The following GPATCH2 variants were observed in gnomAD, a reference collection of about 807,000 sequenced individuals.
GPATCH2 encodes G patch domain-containing protein 2.
A neutral mutation model predicts 58.0 loss-of-function variants in GPATCH2; 51 were observed. The observed-to-expected ratio is 0.88, with a 90% CI of 0.70 to 1.11. GPATCH2 has a LOEUF of 1.11. GPATCH2 is among the 50% of genes most tolerant of loss of function. The pLI is 0.00. For missense variants in GPATCH2, 625 were observed against 652.2 expected, an observed-to-expected ratio of 0.96 and a Z score of 0.45; for synonymous variants, 222 against 218.5, an observed-to-expected ratio of 1.02 and a Z score of -0.14.
At chr1:217,554,205 T>C (rs1328591746) in intron 5 of GPATCH2, among the ~76,000 whole-genome samples, 1 of 152,202 alleles carries the variant, frequency 6.6e-6, no homozygotes, top group East Asian at 1.9e-4. Flanking sequence ...TTGAGTTTAT[T>C]GTTGTGCACA....
chr1:217,603,735 G>C lies in GPATCH2; in HGVS notation c.1098+6586C>G, dbSNP rs142468069. On this transcript the variant is annotated intron_variant, in intron 5 of 9. Transcript: ENST00000366935. ...CTTCCTGAGTTTAAGTGATTCTCCT[G>C]CTTCTGCCTCCCTAGTAGCTGGGAT... Among the ~76,000 whole-genome samples, 15 of 152,126 alleles carry C rather than the reference G, an allele frequency of 9.9e-5. No individual in the cohort carries two copies. The East Asian group carries it at 2.9e-3, about 29-fold the overall frequency.
intron 7 of GPATCH2, among the ~76,000 whole-genome samples, chr1:217,491,978 G>A (rs1052951602): frequency 6.8e-6 from 1 of 147,402 alleles, no homozygotes; most frequent in African/African-American, 2.5e-5. Context: ...ATTCTTTATT[G>A]TCACTGTTGC....
chr1:217,607,084 C>A (rs1298939879), intron 5 of GPATCH2, among the ~76,000 whole-genome samples: 1 of 152,194 alleles, frequency 6.6e-6, no homozygotes, highest in Non-Finnish European at 1.5e-5. Context: ...TCACTTTGCT[C>A]TCTATAAAAC....
Position 217,611,054 on chromosome 1 carries a change from C to A in GPATCH2, c.853G>T (p.Asp285Tyr). ...CCTGATTCCTTTTCGTAGAACCAGT[C>A]ACTCTGTTCATCATCACCTGTGCAA... ...EGRQGDDEQS[D>Y]WFYEKESGGA... The change falls in exon 4 of 10, where the codon GAC becomes TAC. Residue 285 changes from aspartate (D) to tyrosine (Y), a missense_variant. Coordinates refer to ENST00000366935, the MANE Select transcript of GPATCH2 (RefSeq NM_018040.5). 6.2e-7 allele frequency: 1 copy of A among 1,613,042 alleles called. No individual in the cohort carries two copies. Among genetic ancestry groups the A allele is most frequent in the South Asian group, 1.1e-5 (1 of 90,962 alleles).
intron 6 of GPATCH2, among the ~76,000 whole-genome samples, chr1:217,505,890 T>G (rs540732110): frequency 1.3e-5 from 2 of 152,188 alleles, no homozygotes; most frequent in Admixed American, 6.5e-5. Flanking sequence ...TGGCACAATC[T>G]TGGCTCACTG....
chr1:217,532,372 G>C (rs1226359413), intron 5 of GPATCH2, among the ~76,000 whole-genome samples: 2 of 152,068 alleles, frequency 1.3e-5, no homozygotes, highest in Non-Finnish European at 2.9e-5. Flanking sequence ...CTTACCTAAG[G>C]CCACCTACCT....
chr1:217,590,219 A>G (rs143289186), intron 5 of GPATCH2, among the ~76,000 whole-genome samples: 2,419 of 152,018 alleles, frequency 0.016, 30 homozygotes, highest in South Asian at 0.055. Flanking sequence ...CAGGGGTTTC[A>G]CTATGTTGGC....
chr1:217,482,494 A>T (rs1316086333), intron 8 of GPATCH2, among the ~76,000 whole-genome samples: 2 of 152,082 alleles, frequency 1.3e-5, no homozygotes, highest in Admixed American at 6.5e-5. Flanking sequence ...AAAGGCCCTG[A>T]GATGTGAGTG....
chr1:217,627,819 A>G (rs1331053129), intron 1 of GPATCH2, among the ~76,000 whole-genome samples: 1 of 152,072 alleles, frequency 6.6e-6, no homozygotes, highest in Admixed American at 6.5e-5. Flanking sequence ...TTGCTACTTC[A>G]TTTAATGACT....
At chr1:217,552,952 G>A (rs560520390) in intron 5 of GPATCH2, among the ~76,000 whole-genome samples, 79 of 152,206 alleles carry the variant, frequency 5.2e-4, no homozygotes, top group Middle Eastern at 3.4e-3. Flanking sequence ...TCTCAGGAGT[G>A]TGAATTTGAA....
chr1:217,540,830 A>AGCTG (rs1197585100), intron 5 of GPATCH2, among the ~76,000 whole-genome samples: 2 of 152,228 alleles, frequency 1.3e-5, no homozygotes, highest in Non-Finnish European at 2.9e-5. Flanking sequence ...CCAAGGTGGC[A>AGCTG]TTTAATATCT....
intron 8 of GPATCH2, among the ~76,000 whole-genome samples, chr1:217,475,983 G>A (rs1424026851): frequency 1.3e-5 from 2 of 151,914 alleles, no homozygotes; most frequent in Non-Finnish European, 2.9e-5. Context: ...AGTCCAGAAC[G>A]AGCCTGAAAA....
At chr1:217,467,687 T>C (rs1010257759) in intron 8 of GPATCH2, among the ~76,000 whole-genome samples, 3 of 149,460 alleles carry the variant, frequency 2.0e-5, no homozygotes, top group African/African-American at 7.7e-5. Flanking sequence ...TGAATCAATA[T>C]GATTTTTCTT....
intron 5 of GPATCH2, among the ~76,000 whole-genome samples, chr1:217,553,661 T>C (rs1487600968): frequency 6.6e-6 from 1 of 152,188 alleles, no homozygotes; most frequent in Non-Finnish European, 1.5e-5. Flanking sequence ...GTAAGTTGTA[T>C]AAAGGAACAA....
At chr1:217,470,666 T>C (rs2102501367) in intron 8 of GPATCH2, among the ~76,000 whole-genome samples, 1 of 152,274 alleles carries the variant, frequency 6.6e-6, no homozygotes, top group Non-Finnish European at 1.5e-5. Flanking sequence ...AATGTGAGAA[T>C]AGTGTAGTTT....
chr1:217,438,047 T>A (rs1023133225), intron 9 of GPATCH2, among the ~76,000 whole-genome samples: 3 of 152,188 alleles, frequency 2.0e-5, no homozygotes, highest in African/African-American at 4.8e-5. Context: ...GAACAGGCAG[T>A]AATCTTTGCT....
At chr1:217,467,099 C>T (rs968879491) in intron 8 of GPATCH2, among the ~76,000 whole-genome samples, 1 of 152,166 alleles carries the variant, frequency 6.6e-6, no homozygotes, top group Non-Finnish European at 1.5e-5. Flanking sequence ...CTTTCACGAA[C>T]CTGGGAGGCG....
chr1:217,620,101 T>C lies in GPATCH2; in HGVS notation c.455A>G (p.Asn152Ser). 6.2e-7 allele frequency: 1 copy of C among 1,614,100 alleles called. No homozygotes were observed. The highest frequency in any genetic ancestry group is 8.5e-7 in the Non-Finnish European group (1 of 1,180,024). Residue 152 changes from asparagine to serine, a missense_variant, in exon 2 of 10, where the codon AAT becomes AGT. Physicochemically the swap from Asn to Ser is conservative, Grantham distance 46 (BLOSUM62 1). Transcript: ENST00000366935. The stretch of plus-strand genomic sequence containing the variant: ...CCTGCGCAGAGTTCTATTCCCAACA[T>C]TGTCCACAGCAAAATCAGACTCATG... ...LWHESDFAVD[N>S]VGNRTLRRRR...
chr1:217,594,377 G>T (rs995393684), intron 5 of GPATCH2, among the ~76,000 whole-genome samples: 3 of 151,954 alleles, frequency 2.0e-5, no homozygotes, highest in Non-Finnish European at 4.4e-5. Flanking sequence ...ACCAACAGAA[G>T]TAAAACTGAC....
Sources: gnomAD v4.1 joint callset for allele counts (sites outside exome capture counted in the v4.1 genomes callset) on GRCh38, gnomAD v4.1.1 for gene constraint, MANE v1.5 for transcripts, NCBI Gene and HGNC (gene_info 2026-07-23, HGNC 2026-07-21) for gene names.